The following CDS2 variants were observed in gnomAD, a reference collection of about 807,000 sequenced individuals.
CDS2 encodes phosphatidate cytidylyltransferase 2.
In CDS2, 47 loss-of-function variants were observed where a neutral mutation model predicts 59.0. That is an observed-to-expected ratio of 0.80 (90% CI 0.63 to 1.02). The LOEUF is 1.02. Ranked by LOEUF, CDS2 falls within the 50% of genes least tolerant of loss-of-function variation. The pLI is 0.00. For missense variants in CDS2, 356 were observed against 558.9 expected, an observed-to-expected ratio of 0.64 and a Z score of 3.66; for synonymous variants, 207 against 206.4, an observed-to-expected ratio of 1.00 and a Z score of -0.02.
At chr20:5,142,925 C>G (rs936762986) in intron 1 of CDS2, among the ~76,000 whole-genome samples, 1 of 152,130 alleles carries the variant, frequency 6.6e-6, no homozygotes, top group African/African-American at 2.4e-5. Context: ...TCACCAAAGC[C>G]TCAAACTGCT....
chr20:5,134,475 A>C (rs2090632473), intron 1 of CDS2, among the ~76,000 whole-genome samples: 1 of 152,154 alleles, frequency 6.6e-6, no homozygotes, highest in African/African-American at 2.4e-5. Flanking sequence ...TAAAGAAATA[A>C]TACAATCTTT....
chr20:5,151,265 AAAAGT>A (rs1293636057), intron 1 of CDS2, among the ~76,000 whole-genome samples: 1 of 152,242 alleles, frequency 6.6e-6, no homozygotes, highest in Non-Finnish European at 1.5e-5. Context: ...ATAAAACTGA[AAAAGT>A]AAAACTGATG....
chr20:5,175,324 C>A, intron 3 of CDS2, 45 bp downstream of exon 3: 1 of 1,487,110 alleles, frequency 6.7e-7, no homozygotes, highest in Non-Finnish European at 9.4e-7. Flanking sequence ...TCAGTTTTTG[C>A]TGCAGGCCCG....
intron 1 of CDS2, among the ~76,000 whole-genome samples, chr20:5,152,795 A>G (rs55674930): frequency 8.5e-4 from 129 of 152,316 alleles, no homozygotes; most frequent in Middle Eastern, 3.4e-3. Context: ...ACTTTGCTTT[A>G]TTGATTGGTT....
At chr20:5,154,934 C>T (rs555120848) in intron 1 of CDS2, among the ~76,000 whole-genome samples, 8 of 152,358 alleles carry the variant, frequency 5.3e-5, no homozygotes, top group Middle Eastern at 3.4e-3. Flanking sequence ...AGGCATGAGC[C>T]GTTGCGCTCA....
At chr20:5,181,530 A>C (rs2091033629) in intron 5 of CDS2, among the ~76,000 whole-genome samples, 1 of 152,254 alleles carries the variant, frequency 6.6e-6, no homozygotes, top group African/African-American at 2.4e-5. Context: ...TGTAGGCACA[A>C]CAGGCAGCAA....
At chr20:5,145,823 T>G (rs6053156) in intron 1 of CDS2, among the ~76,000 whole-genome samples, 13,074 of 47,018 alleles carry the variant, frequency 0.28, 801 homozygotes, top group Middle Eastern at 0.51. Flanking sequence ...GCTTTTTGTG[T>G]TTTTTTTTTT....
chr20:5,145,491 T>A (rs1306171962), intron 1 of CDS2, among the ~76,000 whole-genome samples: 1 of 152,140 alleles, frequency 6.6e-6, no homozygotes, highest in Non-Finnish European at 1.5e-5. Flanking sequence ...TCTCATCCAC[T>A]ATCCCGTTTG....
chr20:5,134,835 A>C (rs1244502826), intron 1 of CDS2, among the ~76,000 whole-genome samples: 1 of 152,176 alleles, frequency 6.6e-6, no homozygotes. Flanking sequence ...GCATATTTAA[A>C]TTGGTAAGGT....
Position 5,153,778 on chromosome 20 carries a change from A to G in CDS2, c.58-19745A>G, listed in dbSNP as rs545547068. Among the ~76,000 whole-genome samples the G allele has an allele frequency of 2.0e-5, 3 of 152,282 alleles. No individual in the cohort carries two copies. In the South Asian group the frequency reaches 6.2e-4, roughly 32 times the overall value. On this transcript the variant is annotated intron_variant, in intron 1 of 12. Coordinates refer to ENST00000460006, the MANE Select transcript of CDS2 (RefSeq NM_003818.4). ...TAATGTGTTTACAAGATTGATATTCATTATTAATGTAGCTTTAGTGAGTTC... is the reference window on the plus strand; with the variant it reads ...TAATGTGTTTACAAGATTGATATTCGTTATTAATGTAGCTTTAGTGAGTTC...
rs2091054068 is a variant in CDS2 at position 5,184,606 on chromosome 20, A to T, written c.672-252A>T. On this transcript the variant is annotated intron_variant, in intron 7 of 12. Transcript: ENST00000460006. This position sits in a 1 kb window ranked among gnomAD's most constrained non-coding sequence, Gnocchi z 4.3. ...ACGTATATTTCTTTATCATGAAAAA[A>T]GGACAGATGACCTTTTAGTTTGCAA... Among the ~76,000 whole-genome samples, 1 of 152,244 alleles carries T rather than the reference A, an allele frequency of 6.6e-6. No homozygotes were observed. Among genetic ancestry groups the T allele is most frequent in the Admixed American group, 6.5e-5 (1 of 15,286 alleles).
chr20:5,186,672 G>C lies in CDS2; in HGVS notation c.829-15G>C, dbSNP rs1398126178. 3.1e-6 allele frequency: 5 copies of C among 1,613,638 alleles called. No homozygotes were observed. The highest frequency in any genetic ancestry group is 2.2e-5 in the South Asian group (2 of 91,070). On this transcript the variant is annotated splice_polypyrimidine_tract_variant and intron_variant, in intron 9 of 12. Coordinates refer to ENST00000460006, the MANE Select transcript of CDS2 (RefSeq NM_003818.4). ...AACTTACTTCCTTGCCGGTCTCTCTGTTATTCCTCCTCAGCTGTCCTATGT... is the reference window on the plus strand; with the variant it reads ...AACTTACTTCCTTGCCGGTCTCTCTCTTATTCCTCCTCAGCTGTCCTATGT...
At chr20:5,185,141 C>G (rs897250265) in intron 8 of CDS2, among the ~76,000 whole-genome samples, 196 bp downstream of exon 8, 3 of 151,878 alleles carry the variant, frequency 2.0e-5, no homozygotes, top group African/African-American at 7.3e-5. Flanking sequence ...AGAAAATAGG[C>G]TGGGCGTGGT....
At chr20:5,180,888 A>G (rs986612891) in intron 5 of CDS2, among the ~76,000 whole-genome samples, 4 of 152,114 alleles carry the variant, frequency 2.6e-5, no homozygotes, top group African/African-American at 7.2e-5. Flanking sequence ...CTGCCTACCT[A>G]TCGAGGTCTC....
At chr20:5,171,458 C>T (rs917996753) in intron 1 of CDS2, among the ~76,000 whole-genome samples, 1 of 152,160 alleles carries the variant, frequency 6.6e-6, no homozygotes, top group African/African-American at 2.4e-5. Context: ...CATTTTGAAG[C>T]CCCGAGGTTT....
rs1315049984 is a variant in CDS2, at chr20:5,193,150, T to A, written c.*2916T>A. 1 of 152,150 alleles carries A rather than the reference T, an allele frequency of 6.6e-6. No individual in the cohort carries two copies. Among genetic ancestry groups the A allele is most frequent in the Non-Finnish European group, 1.5e-5 (1 of 68,022 alleles). 9.4% of individuals were successfully genotyped at this position (152,150 alleles called of 1,614,324 possible). A position where few individuals can be genotyped will look rare whatever the true frequency, so the allele number is the denominator to read the frequency against. On this transcript the variant is annotated 3_prime_UTR_variant, in exon 13 of 13. Transcript: ENST00000460006. ...TCATGACCGCTCACAGGGTACCGAG[T>A]CTTTGCCTTTTGTGTGTGCGCATGC...
At chr20:5,177,488 A>G (rs576241758) in intron 4 of CDS2, among the ~76,000 whole-genome samples, 1 of 152,270 alleles carries the variant, frequency 6.6e-6, no homozygotes, top group South Asian at 2.1e-4. Context: ...AAGCAAAAAG[A>G]AAAACCTGTA....
rs1165739511 is a variant in CDS2 at position 5,192,900 on chromosome 20, A to G, written c.*2666A>G. ...GTGTGGTGGAGTCAGGACTCACTCC[A>G]TCCTGCACTTTACCCACAGGACACC... On this transcript the variant is annotated 3_prime_UTR_variant, in exon 13 of 13. Coordinates refer to ENST00000460006, the MANE Select transcript of CDS2 (RefSeq NM_003818.4). 6.6e-6 allele frequency: 1 copy of G among 152,222 alleles called. No individual in the cohort carries two copies. Among genetic ancestry groups the G allele is most frequent in the East Asian group, 1.9e-4 (1 of 5,186 alleles). The allele number at this position is 152,222 out of a possible 1,614,324, so 9.4% of individuals were successfully genotyped here. A position where few individuals can be genotyped will look rare whatever the true frequency, so the allele number is the denominator to read the frequency against.
rs187549743 is a variant in CDS2 at position 5,146,299 on chromosome 20, C to G, written c.57+19150C>G. 1.0e-3 allele frequency among the ~76,000 whole-genome samples: 157 copies of G among 152,280 alleles called. 1 individual carries two copies. The highest frequency in any genetic ancestry group is 0.01 in the Admixed American group (153 of 15,296). On this transcript the variant is annotated intron_variant, in intron 1 of 12. Coordinates refer to ENST00000460006, the MANE Select transcript of CDS2 (RefSeq NM_003818.4). The stretch of plus-strand genomic sequence containing the variant: ...TGGCATTAAGATAGGCAGGTGCTGA[C>G]AATGACCCTGGGAATTGCTTGTGTT...
Sources: allele counts gnomAD v4.1 joint callset (sites outside exome capture counted in the v4.1 genomes callset), GRCh38; gene constraint gnomAD v4.1.1; non-coding constraint Gnocchi (gnomAD v3.1); transcripts MANE v1.5; gene names NCBI Gene and HGNC (gene_info 2026-07-23, HGNC 2026-07-21).